Variants in ERN2 observed in about 807,000 individuals in gnomAD.
ERN2 encodes the protein serine/threonine-protein kinase/endoribonuclease IRE2.
ERN2 carries 111 observed loss-of-function variants against 107.9 expected under a neutral mutation model. The ratio of observed to expected loss-of-function variants is 1.03; its 90% CI spans 0.88 to 1.20. The LOEUF (loss-of-function observed/expected upper bound fraction) is 1.20. Among genes scored for constraint, ERN2 ranks in the 50% most tolerant of loss-of-function variants. The probability of loss-of-function intolerance (pLI) is 0.00; values close to 1 mark genes in which losing one functional copy is unlikely to be tolerated. For missense variants in ERN2, 1,225 were observed against 1,197.9 expected (o/e 1.02, Z -0.33); for synonymous variants, 524 against 501.7 (o/e 1.04, Z -0.59).
At chr16:23,702,049 C>T in intron 11 of ERN2, 103 bp downstream of exon 11, 2 of 1,240,312 alleles carry the variant, frequency 1.6e-6, no homozygotes, top group South Asian at 1.5e-5. Flanking sequence ...AATTGACCCA[C>T]CCCCGAGTGT....
At chr16:23,692,784 T>C (rs1252991913) in intron 17 of ERN2, among the ~76,000 whole-genome samples, 2 of 151,824 alleles carry the variant, frequency 1.3e-5, no homozygotes, top group African/African-American at 2.4e-5. Flanking sequence ...TAGAGTGCAG[T>C]GGCGCAACCA....
chr16:23,702,847 C>A, intron 8 of ERN2, 145 bp from the exon 9 acceptor site: 1 of 713,584 alleles, frequency 1.4e-6, no homozygotes, highest in Non-Finnish European at 2.4e-6. Flanking sequence ...TAGACAACAG[C>A]AAATGTGACA....
chr16:23,699,136 G>A (rs13336170), intron 13 of ERN2, among the ~76,000 whole-genome samples: 16,729 of 152,028 alleles, frequency 0.11, 2,878 homozygotes, highest in African/African-American at 0.37. Flanking sequence ...CAACAGCTCA[G>A]GGCTCAGGAA....
At chr16:23,691,767 G>T (rs1372160391) in intron 19 of ERN2, among the ~76,000 whole-genome samples, 196 bp downstream of exon 19, 1 of 152,236 alleles carries the variant, frequency 6.6e-6, no homozygotes, top group Admixed American at 6.5e-5. Flanking sequence ...GGCAAAGCTG[G>T]CAGTGAATGG....
chr16:23,708,299 T>C (rs1471361007), intron 4 of ERN2, among the ~76,000 whole-genome samples: 2 of 149,196 alleles, frequency 1.3e-5, no homozygotes, highest in Non-Finnish European at 1.5e-5. Context: ...TAGGGCCTGG[T>C]GGGAGGTGAT....
In ERN2 at chr16:23,692,213, CAG is replaced by C. The variant is rs766708397; in HGVS notation, c.2217_2218del (p.Cys740SerfsTer56). The C allele has an allele frequency of 1.2e-6, 2 of 1,614,190 alleles. No homozygotes were observed. Among genetic ancestry groups the C allele is most frequent in the Non-Finnish European group, 1.7e-6 (2 of 1,180,030 alleles). ...GACCTCTTCCTCCAGGTGAGCCAGACAGGGAGCCCCTGTGAGGATGTTTGCCT... is the reference window on the plus strand; with the variant it reads ...GACCTCTTCCTCCAGGTGAGCCAGACGGAGCCCCTGTGAGGATGTTTGCCT... On this transcript the variant is annotated frameshift_variant, in exon 18 of 22. Transcript: ENST00000256797. LOFTEE classifies it high-confidence loss of function.
At position 23,702,624 on chromosome 16, in the gene ERN2, C is replaced by T; in HGVS notation, c.933G>A (p.Val311=). 1 of 1,614,160 alleles carries T rather than the reference C, an allele frequency of 6.2e-7. No homozygotes were observed. Among genetic ancestry groups the T allele is most frequent in the Non-Finnish European group, 8.5e-7 (1 of 1,179,998 alleles). Residue 311 remains valine, a splice_region_variant and synonymous_variant, in exon 9 of 22, where the codon GTG becomes GTA. Transcript: ENST00000256797. ...KALVHTGVAL[V]PRGLTLAPAD... ...AGCCCACTCAGAGACCACTTCTTAC[C>T]ACCAGGGCCACTCCTGTGTGGACCA...
At position 23,695,639 on chromosome 16, in the gene ERN2, G is replaced by T. The variant is rs1027669556; in HGVS notation, c.1611-250C>A. On this transcript the variant is annotated intron_variant, in intron 14 of 21. Coordinates refer to ENST00000256797, the MANE Select transcript of ERN2 (RefSeq NM_033266.4). Reference sequence around the variant, plus strand: ...CAGCTACTGGGAAGGCTGAGGCCCGGAATTGCTTGAACCTGGGAAGCGGAG... The same window carrying T: ...CAGCTACTGGGAAGGCTGAGGCCCGTAATTGCTTGAACCTGGGAAGCGGAG... 4.5e-4 allele frequency among the ~76,000 whole-genome samples: 65 copies of T among 145,684 alleles called. 1 individual carries two copies. The highest frequency in any genetic ancestry group is 1.5e-3 in the African/African-American group (58 of 39,224).
chr16:23,700,002 G>A (rs972232915), intron 13 of ERN2, among the ~76,000 whole-genome samples: 1 of 151,898 alleles, frequency 6.6e-6, no homozygotes, highest in Admixed American at 6.6e-5. Context: ...TCTATACCCA[G>A]TTTTATCTAC....
At chr16:23,707,219 G>C in intron 4 of ERN2, 140 bp from the exon 5 acceptor site, 2 of 682,942 alleles carry the variant, frequency 2.9e-6, no homozygotes, top group South Asian at 3.4e-5. Flanking sequence ...ACTGGGGCTT[G>C]GAGAGGCCAT....
intron 8 of ERN2, 98 bp downstream of exon 8, chr16:23,704,785 A>T: frequency 7.7e-7 from 1 of 1,297,816 alleles, no homozygotes; most frequent in Non-Finnish European, 1.1e-6. Context: ...GTTCAGCGGT[A>T]CTGGTGTGTC....
rs908894135 is a variant in ERN2, at chr16:23,709,087, A to G, written c.306+1085T>C. The G allele has an allele frequency of 6.9e-6, 3 of 433,204 alleles. No homozygotes were observed. The East Asian group carries it at 2.2e-4, about 31-fold the overall frequency. The allele number at this position is 433,204 out of a possible 1,614,324, so 26.8% of individuals were successfully genotyped here. A position where few individuals can be genotyped will look rare whatever the true frequency, so the allele number is the denominator to read the frequency against. On this transcript the variant is annotated intron_variant, in intron 4 of 21. Coordinates refer to ENST00000256797, the MANE Select transcript of ERN2 (RefSeq NM_033266.4). ...AAATTTCTTATCACTTCACCTTCCTAAATCATATACTTAAGACTTTTCTAG... is the reference window on the plus strand; with the variant it reads ...AAATTTCTTATCACTTCACCTTCCTGAATCATATACTTAAGACTTTTCTAG...
intron 14 of ERN2, 121 bp downstream of exon 14, chr16:23,695,773 C>T (rs576970278): frequency 2.8e-5 from 18 of 634,124 alleles, no homozygotes; most frequent in Admixed American, 1.3e-4. Flanking sequence ...GCAGGACTGG[C>T]GAGTGAGGGA....
chr16:23,706,657 A>G (rs1960327367), intron 6 of ERN2, 97 bp downstream of exon 6: 1 of 876,736 alleles, frequency 1.1e-6, no homozygotes, highest in Non-Finnish European at 1.9e-6. Flanking sequence ...TAACAGACTG[A>G]CTGTCCTGAA....
intron 4 of ERN2, among the ~76,000 whole-genome samples, chr16:23,708,932 G>A (rs1960431748): frequency 6.6e-6 from 1 of 152,160 alleles, no homozygotes; most frequent in African/African-American, 2.4e-5. Context: ...ATGCAAGAAT[G>A]AACTAATATA....
chr16:23,712,777 T>G, intron 1 of ERN2: 2 of 336,428 alleles, frequency 5.9e-6, no homozygotes, highest in Non-Finnish European at 5.4e-6. Context: ...TCCCAGAAGT[T>G]TTAAGAGGCC....
rs1959539659 is a variant in ERN2, at chr16:23,690,522, C to G, written c.*309G>C. On this transcript the variant is annotated 3_prime_UTR_variant, in exon 22 of 22. Transcript: ENST00000256797. Reference sequence around the variant, plus strand: ...CAGGCTGGAGTGCAGTGGCATGATCCTGGCTCACTGCAGCCTCGAACTCCT... The same window carrying G: ...CAGGCTGGAGTGCAGTGGCATGATCGTGGCTCACTGCAGCCTCGAACTCCT... 1 of 477,532 alleles carries G rather than the reference C, an allele frequency of 2.1e-6. No individual in the cohort carries two copies. The highest frequency in any genetic ancestry group is 3.8e-6 in the Non-Finnish European group (1 of 259,940). 29.6% of individuals were successfully genotyped at this position (477,532 alleles called of 1,614,324 possible).
Position 23,701,048 on chromosome 16 carries a change from A to G in ERN2, c.1270T>C (p.Ser424Pro). 6.2e-7 allele frequency: 1 copy of G among 1,614,112 alleles called. No homozygotes were observed. The highest frequency in any genetic ancestry group is 8.5e-7 in the Non-Finnish European group (1 of 1,179,984). ...TCTTGGGGTCCCAGCCCCAAGTAAG[A>G]GTCTGGAGTTTTTTCTTCTGGATGC... ...ELHPEEKTPD[S>P]YLGLGPQDLL... is the part of the protein sequence containing the mutation. The change falls in exon 12 of 22, where the codon TCT becomes CCT. Residue 424 changes from serine (S) to proline (P), a missense_variant. By Grantham distance (74) the Ser-to-Pro change is moderately conservative (BLOSUM62 -1). Coordinates refer to ENST00000256797, the MANE Select transcript of ERN2 (RefSeq NM_033266.4).
chr16:23,700,508 T>C, intron 13 of ERN2, 31 bp downstream of exon 13: 1 of 1,575,290 alleles, frequency 6.3e-7, no homozygotes, highest in Non-Finnish European at 8.6e-7. Flanking sequence ...TCTCTGTTCC[T>C]GACTGCCCTG....
Sources: gnomAD v4.1 joint callset for allele counts (sites outside exome capture counted in the v4.1 genomes callset) on GRCh38, gnomAD v4.1.1 for gene constraint, MANE v1.5 for transcripts, NCBI Gene and HGNC (gene_info 2026-07-23, HGNC 2026-07-21) for gene names.